CA8: variants seen among roughly 807,000 people sequenced by gnomAD.
CA8 encodes carbonic anhydrase-related protein.
CA8 carries 22 observed loss-of-function variants against 41.4 expected under a neutral mutation model. The ratio of observed to expected loss-of-function variants is 0.53; its 90% confidence interval spans 0.38 to 0.76. The LOEUF (loss-of-function observed/expected upper bound fraction) is 0.76, where lower values mean the gene tolerates loss of function less well. CA8 is among the 30% of genes least tolerant of loss of function. CA8 has a pLI of 0.00. For synonymous variants in CA8, 121 were observed against 130.6 expected (o/e 0.93, Z 0.50); for missense variants, 270 against 352.8 (o/e 0.77, Z 1.88).
Position 60,187,749 on chromosome 8 carries a change from G to A in CA8, c.*2272C>T, listed in dbSNP as rs1399188683. 3 of 152,126 alleles carry A rather than the reference G, an allele frequency of 2.0e-5. No individual in the cohort carries two copies. The highest frequency in any genetic ancestry group is 1.9e-4 in the East Asian group (1 of 5,202). 9.4% of individuals were successfully genotyped at this position (152,126 alleles called of 1,614,324 possible). A position where few individuals can be genotyped will look rare whatever the true frequency, so the allele number is the denominator to read the frequency against. On this transcript the variant is annotated 3_prime_UTR_variant, in exon 9 of 9. Transcript: ENST00000317995. ...ACATGAAAAATCATTTCACTTTGTTGCCTTATTAAATTGTTTCATAAACAA... is the reference window on the plus strand; with the variant it reads ...ACATGAAAAATCATTTCACTTTGTTACCTTATTAAATTGTTTCATAAACAA...
intron 8 of CA8, among the ~76,000 whole-genome samples, chr8:60,195,654 G>A (rs1806259887): frequency 6.6e-6 from 1 of 152,178 alleles, no homozygotes; most frequent in Non-Finnish European, 1.5e-5. Context: ...CTGACCTGGA[G>A]TTAGCTGTGT....
rs1376642480 is a variant in CA8 at position 60,281,383 on chromosome 8, A to AGGGAGCGGCTGTGGCCTG, written c.-237_-236insCAGGCCACAGCCGCTCCC. ...CGCGTCCGGAGGCCCCAGCAGAGCG[A>AGGGAGCGGCTGTGGCCTG]GGGAGCGGCTGTGGCCTGGGGAGCG... is the stretch of plus-strand genomic sequence containing the variant. On this transcript the variant is annotated 5_prime_UTR_variant, in exon 1 of 9. Transcript: ENST00000317995. 1 of 547,930 alleles carries AGGGAGCGGCTGTGGCCTG rather than the reference A, an allele frequency of 1.8e-6. No individual in the cohort carries two copies. The allele number at this position is 547,930 out of a possible 1,614,324, so 33.9% of individuals were successfully genotyped here.
At chr8:60,229,048 C>A (rs1563356864) in intron 4 of CA8, among the ~76,000 whole-genome samples, 1 of 152,342 alleles carries the variant, frequency 6.6e-6, no homozygotes, top group Middle Eastern at 3.4e-3. Flanking sequence ...CACCAGGAAC[C>A]TTGAGAACAA....
At chr8:60,202,784 C>T (rs1181492705) in intron 8 of CA8, among the ~76,000 whole-genome samples, 2 of 152,240 alleles carry the variant, frequency 1.3e-5, no homozygotes, top group East Asian at 1.9e-4. Context: ...CTTACCAAAA[C>T]ATATTCTGCA....
intron 8 of CA8, among the ~76,000 whole-genome samples, chr8:60,199,214 G>T (rs1315680393): frequency 6.6e-6 from 1 of 152,108 alleles, no homozygotes; most frequent in African/African-American, 2.4e-5. Flanking sequence ...TCTCATAAAA[G>T]ATTTTTTTTC....
rs140659267 is a variant in CA8, at chr8:60,280,285, C to T, written c.101-405G>A. Among the ~76,000 whole-genome samples the T allele has an allele frequency of 1.9e-4, 29 of 152,316 alleles. No homozygotes were observed. In the East Asian group the frequency reaches 5.6e-3, roughly 29 times the overall value. The stretch of plus-strand genomic sequence containing the variant: ...CTTAGTGACAGTCAGAACCCTAACT[C>T]TCATGCTAGTAAATAGACGCCCCTT... On this transcript the variant is annotated intron_variant, in intron 1 of 8. Coordinates refer to ENST00000317995, the MANE Select transcript of CA8 (RefSeq NM_004056.6).
At chr8:60,209,179 C>T (rs1325667761) in intron 7 of CA8, among the ~76,000 whole-genome samples, 1 of 152,136 alleles carries the variant, frequency 6.6e-6, no homozygotes, top group East Asian at 1.9e-4. Context: ...AAATCTGCTC[C>T]ATTTGTTAAT....
chr8:60,280,992 G>A, intron 1 of CA8, 56 bp downstream of exon 1: 4 of 1,329,308 alleles, frequency 3.0e-6, no homozygotes, highest in Non-Finnish European at 4.3e-6. Flanking sequence ...TCCCGCGCTC[G>A]GCGAGACACT....
intron 1 of CA8, 114 bp downstream of exon 1, chr8:60,280,934 G>A (rs1320169103): frequency 1.3e-6 from 1 of 759,466 alleles, no homozygotes; most frequent in Non-Finnish European, 2.3e-6. Flanking sequence ...CCGTGGGAAA[G>A]AGGGGGCGTG....
intron 8 of CA8, among the ~76,000 whole-genome samples, chr8:60,193,976 T>C (rs1485614780): frequency 1.3e-5 from 2 of 152,212 alleles, no homozygotes; most frequent in African/African-American, 4.8e-5. Flanking sequence ...ATTTTTCATC[T>C]TTTTGCCTTT....
intron 5 of CA8, among the ~76,000 whole-genome samples, chr8:60,225,301 T>C (rs571932916): frequency 2.6e-5 from 4 of 152,202 alleles, no homozygotes; most frequent in African/African-American, 9.6e-5. Context: ...TTTTTCTCTA[T>C]TGATACAGAT....
Position 60,266,042 on chromosome 8 carries a change from C to T in CA8, c.300G>A (p.Ser100=), listed in dbSNP as rs749173414. 15 of 1,613,500 alleles carry T rather than the reference C, an allele frequency of 9.3e-6. No individual in the cohort carries two copies. In the East Asian group the frequency reaches 1.6e-4, roughly 17 times the overall value. The change falls in exon 3 of 9, where the codon TCG becomes TCA. Residue 100 remains serine (S), a synonymous_variant. Transcript: ENST00000317995. ...CATGCCCTTGAGGCAATGGTCCTCC[C>T]GAAAGAACTGAAAAAGAAAATATAT... ...QVILKSKSVL[S]GGPLPQGHEF...
intron 7 of CA8, among the ~76,000 whole-genome samples, chr8:60,216,383 C>A (rs1476941316): frequency 6.6e-6 from 1 of 152,192 alleles, no homozygotes. Flanking sequence ...AACTCTGCTG[C>A]CCTCTGAACA....
intron 8 of CA8, chr8:60,208,358 C>T (rs940099102): frequency 3.1e-5 from 7 of 228,494 alleles, no homozygotes; most frequent in East Asian, 2.3e-4. Context: ...GAGGCTCACA[C>T]GCTCCCCAAG....
intron 3 of CA8, among the ~76,000 whole-genome samples, chr8:60,240,219 C>T (rs1807974441): frequency 6.6e-6 from 1 of 152,176 alleles, no homozygotes; most frequent in Non-Finnish European, 1.5e-5. Flanking sequence ...GCTATGACAG[C>T]TGCAAAGAAA....
At chr8:60,280,053 G>C (rs1356866005) in intron 1 of CA8, among the ~76,000 whole-genome samples, 173 bp from the exon 2 acceptor site, 1 of 152,072 alleles carries the variant, frequency 6.6e-6, no homozygotes, top group East Asian at 1.9e-4. Context: ...TTATTTGAAT[G>C]ATCTGTTATT....
chr8:60,226,883 A>C lies in CA8; in HGVS notation c.566T>G (p.Ile189Ser). The C allele has an allele frequency of 6.3e-7, 1 of 1,588,450 alleles. No individual in the cohort carries two copies. Among genetic ancestry groups the C allele is most frequent in the Non-Finnish European group, 8.6e-7 (1 of 1,156,810 alleles). Residue 189 changes from isoleucine to serine, a missense_variant, in exon 5 of 9, where the codon ATT becomes AGT. Around this residue, in one of 3 missense-constraint regions of CA8, gnomAD observed 141 missense variants for 191.6 expected, o/e 0.74. Coordinates refer to ENST00000317995, the MANE Select transcript of CA8 (RefSeq NM_004056.6). ...LKAVTEILQD[I>S]QYKGKSKTIP... ...TAAATAATGACTTACCTTATACTGA[A>C]TATCTTGGAGGATTTCAGTCACAGC...
chr8:60,204,691 A>G (rs1007414129), intron 8 of CA8, among the ~76,000 whole-genome samples: 1 of 152,188 alleles, frequency 6.6e-6, no homozygotes, highest in African/African-American at 2.4e-5. Context: ...AGGAAATTCT[A>G]TGAGATATAA....
intron 3 of CA8, among the ~76,000 whole-genome samples, chr8:60,257,365 C>T (rs1280394213): frequency 1.3e-5 from 2 of 152,190 alleles, no homozygotes; most frequent in Non-Finnish European, 2.9e-5. Flanking sequence ...TTCCCCATCT[C>T]CTCCTAAAAA....
Sources: allele counts gnomAD v4.1 joint callset (sites outside exome capture counted in the v4.1 genomes callset), GRCh38; gene constraint gnomAD v4.1.1; regional missense constraint gnomAD v4.1.1; transcripts MANE v1.5; gene names NCBI Gene and HGNC (gene_info 2026-07-23, HGNC 2026-07-21).